LTBP2: variants seen among roughly 807,000 people sequenced by gnomAD.
LTBP2 encodes the protein latent transforming growth factor beta binding protein 2.
In LTBP2, 103 loss-of-function variants were observed where a neutral mutation model predicts 210.6. The observed-to-expected ratio is 0.49, with a 90% CI of 0.42 to 0.58. The LOEUF is 0.58. LTBP2 is among the 20% of genes least tolerant of loss of function. The pLI is 0.00. For synonymous variants in LTBP2, 1,007 were observed against 1,015.0 expected, an observed-to-expected ratio of 0.99 and a Z score of 0.15; for missense variants, 2,313 against 2,494.5, an observed-to-expected ratio of 0.93 and a Z score of 1.55.
rs1566629913 is a variant in LTBP2, at chr14:74,540,822, T to TTGTATATAATATATATA, written c.1790-4823_1790-4822insTATATATATTATATACA. ...ATATATATATATAATATATATATAT[T>TTGTATATAATATATATA]TTTATATAATATATATTTATATATA... On this transcript the variant is annotated intron_variant, in intron 8 of 35. Transcript: ENST00000261978. Among the ~76,000 whole-genome samples, 85 of 67,584 alleles carry TTGTATATAATATATATA rather than the reference T, an allele frequency of 1.3e-3. 3 individuals carry two copies. Among genetic ancestry groups the TTGTATATAATATATATA allele is most frequent in the African/African-American group, 3.8e-3 (76 of 19,746 alleles). The allele number at this position is 67,584 out of a possible 152,430, so 44.3% of individuals were successfully genotyped here. A position where few individuals can be genotyped will look rare whatever the true frequency, so the allele number is the denominator to read the frequency against.
At chr14:74,562,294 G>A (rs1566639655) in intron 3 of LTBP2, among the ~76,000 whole-genome samples, 1 of 152,104 alleles carries the variant, frequency 6.6e-6, no homozygotes. Flanking sequence ...GTTTGAAGAA[G>A]AATAAGCACC....
chr14:74,553,640 C>T (rs2139749702), intron 4 of LTBP2, among the ~76,000 whole-genome samples: 1 of 152,270 alleles, frequency 6.6e-6, no homozygotes, highest in South Asian at 2.1e-4. Context: ...CTGCAGAAGA[C>T]TTTTAAGCAA....
intron 16 of LTBP2, 24 bp from the exon 17 acceptor site, chr14:74,522,063 G>C: frequency 6.2e-7 from 1 of 1,606,702 alleles, no homozygotes; most frequent in Non-Finnish European, 8.5e-7. Flanking sequence ...GGCAGGGAGG[G>C]AGGTCAGGGG....
chr14:74,509,029 G>A (rs1566615861), intron 22 of LTBP2, 77 bp from the exon 23 acceptor site: 1 of 1,599,856 alleles, frequency 6.3e-7, no homozygotes, highest in South Asian at 1.1e-5. Flanking sequence ...GAAGTCTCCA[G>A]AGGACCTGTC....
chr14:74,541,259 ATTC>A (rs1243899515), intron 8 of LTBP2, among the ~76,000 whole-genome samples: 1 of 152,090 alleles, frequency 6.6e-6, no homozygotes, highest in Non-Finnish European at 1.5e-5. Flanking sequence ...ACCTTGTCTT[ATTC>A]TTCTTCATCA....
At chr14:74,548,330 G>C (rs967337992) in intron 8 of LTBP2, among the ~76,000 whole-genome samples, 1 of 151,988 alleles carries the variant, frequency 6.6e-6, no homozygotes, top group Admixed American at 6.5e-5. Context: ...CTCAGGACTT[G>C]ACCAGACACT....
chr14:74,500,688 G>A lies in LTBP2; in HGVS notation c.*196C>T. ...AGCATTAAAGCGATTGGTGGTGCTT[G>A]AGCCAAGCAAGGGCATGGAGGCAAT... On this transcript the variant is annotated 3_prime_UTR_variant, in exon 36 of 36. Coordinates refer to ENST00000261978, the MANE Select transcript of LTBP2 (RefSeq NM_000428.3). 2.9e-6 allele frequency: 2 copies of A among 692,780 alleles called. No homozygotes were observed. The highest frequency in any genetic ancestry group is 1.7e-5 in the South Asian group (1 of 58,752). 42.9% of individuals were successfully genotyped at this position (692,780 alleles called of 1,614,324 possible).
rs370127370 is a variant in LTBP2 at position 74,612,164 on chromosome 14, C to A, written c.-220G>T. Reference sequence around the variant, plus strand: ...CGCTCCTACTCCAGCTGGGCTCGCACGGCTGCTGCACCTTCGCGCCTCCTC... The same window carrying A: ...CGCTCCTACTCCAGCTGGGCTCGCAAGGCTGCTGCACCTTCGCGCCTCCTC... On this transcript the variant is annotated 5_prime_UTR_variant, in exon 1 of 36. Transcript: ENST00000261978. The A allele has an allele frequency of 1.3e-4, 66 of 516,930 alleles. No individual in the cohort carries two copies. The highest frequency in any genetic ancestry group is 6.5e-4 in the East Asian group (19 of 29,168). The allele number at this position is 516,930 out of a possible 1,614,324, so 32.0% of individuals were successfully genotyped here. A position where few individuals can be genotyped will look rare whatever the true frequency, so the allele number is the denominator to read the frequency against.
At chr14:74,588,764 T>G (rs1452563280) in intron 2 of LTBP2, among the ~76,000 whole-genome samples, 1 of 152,158 alleles carries the variant, frequency 6.6e-6, no homozygotes, top group East Asian at 1.9e-4. Flanking sequence ...ATGCAGCAGG[T>G]GTGACTATGA....
At position 74,507,223 on chromosome 14, in the gene LTBP2, C is replaced by T; in HGVS notation, c.3863G>A (p.Gly1288Asp). 2 of 1,614,190 alleles carry T rather than the reference C, an allele frequency of 1.2e-6. No homozygotes were observed. The highest frequency in any genetic ancestry group is 1.7e-6 in the Non-Finnish European group (2 of 1,180,012). ...GGCCATGTGGAAGCCAGGCTGGCAG[C>T]CCAGAACACAGCGGTAGGAGCCAGG... ...NSPGSYRCVL[G>D]CQPGFHMAPN... Residue 1288 changes from glycine to aspartate, a missense_variant, in exon 26 of 36, where the codon GGC becomes GAC. Physicochemically the swap from Gly to Asp is moderately conservative, Grantham distance 94. Coordinates refer to ENST00000261978, the MANE Select transcript of LTBP2 (RefSeq NM_000428.3).
At chr14:74,579,940 C>T (rs1229332177) in intron 3 of LTBP2, among the ~76,000 whole-genome samples, 1 of 152,168 alleles carries the variant, frequency 6.6e-6, no homozygotes, top group East Asian at 1.9e-4. Context: ...CAACCATACT[C>T]TGGGCATGTA....
chr14:74,543,737 C>G (rs963996560), intron 8 of LTBP2, among the ~76,000 whole-genome samples: 1 of 152,182 alleles, frequency 6.6e-6, no homozygotes. Context: ...GCATGTACAA[C>G]TCTGAGCACA....
intron 2 of LTBP2, among the ~76,000 whole-genome samples, chr14:74,600,957 G>C (rs909871611): frequency 6.6e-6 from 1 of 152,140 alleles, no homozygotes; most frequent in Non-Finnish European, 1.5e-5. Context: ...GAGGGTTGGG[G>C]GAACATTCAA....
chr14:74,541,833 C>T (rs1016132914), intron 8 of LTBP2, among the ~76,000 whole-genome samples: 1 of 152,068 alleles, frequency 6.6e-6, no homozygotes, highest in Non-Finnish European at 1.5e-5. Flanking sequence ...AAGTGCTCCA[C>T]GATGTGCATA....
At position 74,503,619 on chromosome 14, in the gene LTBP2, G is replaced by T; in HGVS notation, c.4583-13C>A. On this transcript the variant is annotated splice_polypyrimidine_tract_variant and intron_variant, in intron 31 of 35. Transcript: ENST00000261978. ...CACTCATCGTGATCTGGGGAGGCAG[G>T]AAAGGGTGGGGCATTGCCAAGGTGG... 1 of 1,613,070 alleles carries T rather than the reference G, an allele frequency of 6.2e-7. No homozygotes were observed.
At chr14:74,570,910 G>C (rs2087966446) in intron 3 of LTBP2, among the ~76,000 whole-genome samples, 1 of 152,242 alleles carries the variant, frequency 6.6e-6, no homozygotes, top group South Asian at 2.1e-4. Context: ...AGTTTCTGAT[G>C]ACCGCTGCTG....
rs544081741 is a variant in LTBP2, at chr14:74,586,978, C to T, written c.566-860G>A. On this transcript the variant is annotated intron_variant, in intron 2 of 35. Transcript: ENST00000261978. This position sits in a 1 kb window ranked among gnomAD's most constrained non-coding sequence, Gnocchi z 4.6. ...GGCAAGGTGGAGCTGAAACCAGGCC[C>T]TCCTCCCGGTTAGCCCTATGCAGCA... Among the ~76,000 whole-genome samples, 56 of 152,312 alleles carry T rather than the reference C, an allele frequency of 3.7e-4. No individual in the cohort carries two copies. The highest frequency in any genetic ancestry group is 1.3e-3 in the African/African-American group (56 of 41,562).
intron 2 of LTBP2, among the ~76,000 whole-genome samples, chr14:74,599,251 C>G (rs1176336177): frequency 1.3e-5 from 2 of 152,228 alleles, no homozygotes; most frequent in South Asian, 4.1e-4. Flanking sequence ...CTCTTAATCT[C>G]GAGCCTTGCT....
In LTBP2 at chr14:74,509,231, C is replaced by T. The variant is rs753646597; in HGVS notation, c.3403+7G>A. ...ATTTGTATCCTCTCCCACACAGAGG[C>T]TCATACCTTCACAGGAGTCACCCAG... On this transcript the variant is annotated splice_region_variant and intron_variant, in intron 22 of 35. Coordinates refer to ENST00000261978, the MANE Select transcript of LTBP2 (RefSeq NM_000428.3). 6.2e-7 allele frequency: 1 copy of T among 1,613,580 alleles called. No individual in the cohort carries two copies. The highest frequency in any genetic ancestry group is 8.5e-7 in the Non-Finnish European group (1 of 1,179,992).
Sources: allele counts gnomAD v4.1 joint callset (sites outside exome capture counted in the v4.1 genomes callset), GRCh38; gene constraint gnomAD v4.1.1; non-coding constraint Gnocchi (gnomAD v3.1); transcripts MANE v1.5; gene names NCBI Gene and HGNC (gene_info 2026-07-23, HGNC 2026-07-21).